TIAM2: variants seen among roughly 807,000 people sequenced by gnomAD.
TIAM2 encodes TIAM Rac1 associated GEF 2, also known as rho guanine nucleotide exchange factor TIAM2.
Under a neutral mutation model 152.9 loss-of-function variants are expected in TIAM2, and 80 were observed. The ratio of observed to expected loss-of-function variants is 0.52; its 90% CI spans 0.44 to 0.63. The LOEUF (loss-of-function observed/expected upper bound fraction) is 0.63. Among genes scored for constraint, TIAM2 ranks in the 30% least tolerant of loss-of-function variants. The probability of loss-of-function intolerance (pLI) is 0.00; values close to 1 mark genes in which losing one functional copy is unlikely to be tolerated. For synonymous variants in TIAM2, 804 were observed against 838.0 expected (o/e 0.96, Z 0.70); for missense variants, 1,965 against 2,120.1 (o/e 0.93, Z 1.44).
At chr6:155,255,757 T>C (rs1783964067) in intron 26 of TIAM2, 1 of 152,330 alleles carries the variant, frequency 6.6e-6, no homozygotes, top group Admixed American at 6.5e-5. Context: ...CCCAGCACTT[T>C]GGGAGGCCAA....
chr6:155,121,642 C>CT lies in TIAM2; in HGVS notation c.-117-5847dup, dbSNP rs1168327911. Among the ~76,000 whole-genome samples, 10 of 152,276 alleles carry CT rather than the reference C, an allele frequency of 6.6e-5. No individual in the cohort carries two copies. The East Asian group carries it at 1.9e-3, about 29-fold the overall frequency. On this transcript the variant is annotated intron_variant, in intron 2 of 26. Coordinates refer to ENST00000682666, the MANE Select transcript of TIAM2 (RefSeq NM_012454.4). ...TAGATATTGCTATGGTTAATGATGG[C>CT]TAGCCCTTTTGTTATCTGGCTCTTG...
intron 1 of TIAM2, among the ~76,000 whole-genome samples, chr6:155,081,845 C>T (rs1473669112): frequency 6.6e-6 from 1 of 152,046 alleles, no homozygotes; most frequent in African/African-American, 2.4e-5. Flanking sequence ...CACTTGAATC[C>T]CTCTTGTAGG....
intron 4 of TIAM2, among the ~76,000 whole-genome samples, chr6:155,135,274 G>T (rs1779532024): frequency 6.6e-6 from 1 of 152,132 alleles, no homozygotes; most frequent in Non-Finnish European, 1.5e-5. Flanking sequence ...AAAACAGCAA[G>T]TAATTGCAAC....
chr6:155,037,455 C>G (rs919100868), intron 1 of TIAM2, among the ~76,000 whole-genome samples: 1 of 152,116 alleles, frequency 6.6e-6, no homozygotes, highest in African/African-American at 2.4e-5. Flanking sequence ...TCACCTGGAA[C>G]TAAATGCACT....
At chr6:155,171,626 A>G (rs1780590575) in intron 9 of TIAM2, among the ~76,000 whole-genome samples, 1 of 152,230 alleles carries the variant, frequency 6.6e-6, no homozygotes, top group African/African-American at 2.4e-5. Context: ...TCTTAAATGG[A>G]AAATATGAAT....
At chr6:155,140,132 A>G (rs143134827) in intron 5 of TIAM2, among the ~76,000 whole-genome samples, 8 of 152,364 alleles carry the variant, frequency 5.3e-5, no homozygotes, top group South Asian at 2.1e-4. Context: ...TAGAAATGCT[A>G]TATCTCTTGC....
chr6:155,069,911 C>CTTT (rs36093906), intron 1 of TIAM2, among the ~76,000 whole-genome samples: 76 of 125,644 alleles, frequency 6.0e-4, no homozygotes, highest in Middle Eastern at 4.1e-3. Context: ...CATTTCTTTT[C>CTTT]TTTTTTTTTT....
intron 2 of TIAM2, among the ~76,000 whole-genome samples, chr6:155,112,212 G>C (rs543862725): frequency 6.9e-6 from 1 of 145,268 alleles, no homozygotes; most frequent in Non-Finnish European, 1.5e-5. Flanking sequence ...TGCAACCTCC[G>C]CCTCCCAGGT....
At chr6:155,173,820 ATC>A in intron 9 of TIAM2, among the ~76,000 whole-genome samples, 1 of 152,378 alleles carries the variant, frequency 6.6e-6, no homozygotes, top group South Asian at 2.1e-4. Context: ...GAGTAAACTC[ATC>A]TAAGTGAGAG....
chr6:155,145,717 G>T (rs1214763608), intron 6 of TIAM2, among the ~76,000 whole-genome samples: 1 of 152,066 alleles, frequency 6.6e-6, no homozygotes, highest in Non-Finnish European at 1.5e-5. Flanking sequence ...TCATAAGGAT[G>T]GTCCTGGGTG....
chr6:155,165,522 A>G, intron 9 of TIAM2, 113 bp downstream of exon 9: 1 of 1,423,276 alleles, frequency 7.0e-7, no homozygotes, highest in East Asian at 2.3e-5. Flanking sequence ...AAATGAGGCG[A>G]GGTGGGGTGG....
chr6:155,085,348 G>A (rs1463684834), intron 1 of TIAM2, among the ~76,000 whole-genome samples: 1 of 152,212 alleles, frequency 6.6e-6, no homozygotes. Flanking sequence ...TGGGAGGCAT[G>A]TTTGAAGGGC....
chr6:155,052,139 G>A (rs542507146), intron 1 of TIAM2, among the ~76,000 whole-genome samples: 5 of 152,238 alleles, frequency 3.3e-5, no homozygotes, highest in African/African-American at 1.2e-4. Context: ...GAAGGAAGAA[G>A]AGGTAGGTGG....
At chr6:155,023,044 T>TTC (rs1776529806) in intron 1 of TIAM2, among the ~76,000 whole-genome samples, 1 of 86,530 alleles carries the variant, frequency 1.2e-5, no homozygotes, top group Admixed American at 1.1e-4. Context: ...TTTGTTCTGT[T>TTC]TTTTTTTTTT....
chr6:155,212,141 G>A (rs967201056), intron 15 of TIAM2, among the ~76,000 whole-genome samples: 12 of 152,162 alleles, frequency 7.9e-5, no homozygotes, highest in African/African-American at 2.7e-4. Context: ...GATTATTGCT[G>A]CTGTTGTGGA....
intron 2 of TIAM2, among the ~76,000 whole-genome samples, chr6:155,104,961 A>T (rs1457277645): frequency 6.6e-6 from 1 of 151,780 alleles, no homozygotes; most frequent in Non-Finnish European, 1.5e-5. Context: ...GGATATGTAG[A>T]TCCTTTTTCT....
chr6:155,154,351 T>C (rs1780053466), intron 7 of TIAM2, among the ~76,000 whole-genome samples: 1 of 152,136 alleles, frequency 6.6e-6, no homozygotes, highest in African/African-American at 2.4e-5. Context: ...AAGATCCTTT[T>C]TGAAATAAAA....
intron 14 of TIAM2, among the ~76,000 whole-genome samples, chr6:155,210,227 G>A (rs1213861177): frequency 1.3e-5 from 2 of 151,718 alleles, no homozygotes; most frequent in Admixed American, 1.3e-4. Context: ...ATTTTTTAAT[G>A]TTTTAATTTT....
At position 155,251,447 on chromosome 6, in the gene TIAM2, C is replaced by T. The variant is rs574586681; in HGVS notation, c.4060+426C>T. On this transcript the variant is annotated intron_variant, in intron 22 of 26. Transcript: ENST00000682666. Reference sequence around the variant, plus strand: ...GATTACAGGTGCTCGCCACCACGCCCGGCTGATTTTTGTATTTTTAGTAGA... The same window carrying T: ...GATTACAGGTGCTCGCCACCACGCCTGGCTGATTTTTGTATTTTTAGTAGA... Among the ~76,000 whole-genome samples the T allele has an allele frequency of 2.5e-3, 375 of 152,106 alleles. 1 individual carries two copies. The highest frequency in any genetic ancestry group is 8.6e-3 in the African/African-American group (357 of 41,474).
Sources: gnomAD v4.1 joint callset for allele counts (sites outside exome capture counted in the v4.1 genomes callset) on GRCh38, gnomAD v4.1.1 for gene constraint, MANE v1.5 for transcripts, NCBI Gene and HGNC (gene_info 2026-07-23, HGNC 2026-07-21) for gene names.